Variants in FSD1L observed in about 807,000 individuals in gnomAD.
The protein encoded by FSD1L is FSD1-like protein.
Under a neutral mutation model 71.6 loss-of-function variants are expected in FSD1L, and 45 were observed. That is an observed-to-expected ratio of 0.63 (90% confidence interval 0.49 to 0.81). FSD1L has a LOEUF of 0.81. FSD1L is among the 30% of genes least tolerant of loss of function. The pLI is 0.00. For synonymous variants in FSD1L, 197 were observed against 207.2 expected, an observed-to-expected ratio of 0.95 and a Z score of 0.42; for missense variants, 561 against 618.1, an observed-to-expected ratio of 0.91 and a Z score of 0.98.
At chr9:105,451,021 G>A (rs1829962757) in intron 1 of FSD1L, among the ~76,000 whole-genome samples, 1 of 151,858 alleles carries the variant, frequency 6.6e-6, no homozygotes, top group Non-Finnish European at 1.5e-5. Flanking sequence ...GTGCAGTGGC[G>A]CGATCTTGGC....
chr9:105,464,227 T>G lies in FSD1L; in HGVS notation c.112-9T>G. The stretch of plus-strand genomic sequence containing the variant: ...AAATATAGTATTTTAATGCTTTTCT[T>G]AATTCTAGGAAGCTCTACAGAGGAT... On this transcript the variant is annotated splice_polypyrimidine_tract_variant and intron_variant, in intron 2 of 13. Coordinates refer to ENST00000481272, the MANE Select transcript of FSD1L (RefSeq NM_001145313.3). The G allele has an allele frequency of 7.1e-7, 1 of 1,404,030 alleles. No homozygotes were observed. The allele number at this position is 1,404,030 out of a possible 1,614,324, so 87.0% of individuals were successfully genotyped here. A position where few individuals can be genotyped will look rare whatever the true frequency, so the allele number is the denominator to read the frequency against.
intron 7 of FSD1L, among the ~76,000 whole-genome samples, chr9:105,484,838 T>C (rs1832432006): frequency 6.6e-6 from 1 of 152,098 alleles, no homozygotes; most frequent in Non-Finnish European, 1.5e-5. Context: ...ACAATTTACT[T>C]AACTTGCTTC....
intron 7 of FSD1L, among the ~76,000 whole-genome samples, chr9:105,494,743 T>G (rs4742947): frequency 0.68 from 103,278 of 151,968 alleles, 35,456 homozygotes; most frequent in African/African-American, 0.76. Context: ...CTGCAGGTCT[T>G]TTGAAGTTTG....
At chr9:105,468,908 A>G (rs1428647228) in intron 4 of FSD1L, among the ~76,000 whole-genome samples, 4 of 152,166 alleles carry the variant, frequency 2.6e-5, no homozygotes, top group Non-Finnish European at 5.9e-5. Flanking sequence ...GTGAAACTTT[A>G]TGTCCCTTGA....
chr9:105,524,938 T>C, intron 10 of FSD1L: 6 of 1,614,062 alleles, frequency 3.7e-6, no homozygotes, highest in Non-Finnish European at 5.1e-6. Flanking sequence ...TTCTTTGTGT[T>C]AATAATACAA....
chr9:105,534,502 A>C lies in FSD1L; in HGVS notation c.1035A>C (p.Thr345=). The C allele has an allele frequency of 6.5e-7, 1 of 1,540,882 alleles. No homozygotes were observed. The highest frequency in any genetic ancestry group is 8.8e-7 in the Non-Finnish European group (1 of 1,137,406). Residue 345 remains threonine, a synonymous_variant, in exon 11 of 14, where the codon ACA becomes ACC. Transcript: ENST00000481272. ...CTTTTTGTTTATATAGAAGTGGTAC[A>C]CCATCCCCAAAACGAACATCTGTAG... ...KGKENKGRSG[T]PSPKRTSVGS...
intron 3 of FSD1L, among the ~76,000 whole-genome samples, chr9:105,465,253 T>A (rs1347494353): frequency 6.6e-6 from 1 of 152,108 alleles, no homozygotes; most frequent in East Asian, 1.9e-4. Context: ...ATAAGGAAAT[T>A]GAATCCACAG....
At chr9:105,496,737 C>G (rs1206674673) in intron 7 of FSD1L, among the ~76,000 whole-genome samples, 1 of 152,244 alleles carries the variant, frequency 6.6e-6, no homozygotes, top group Non-Finnish European at 1.5e-5. Context: ...TATCCTGCAG[C>G]CTTGCTGCAA....
At chr9:105,450,988 G>T (rs1202921324) in intron 1 of FSD1L, among the ~76,000 whole-genome samples, 1 of 151,662 alleles carries the variant, frequency 6.6e-6, no homozygotes, top group African/African-American at 2.4e-5. Context: ...ACGAAGTCTC[G>T]CTCTGTGGCC....
chr9:105,515,063 A>G lies in FSD1L; in HGVS notation c.1025+2127A>G, dbSNP rs566022146. On this transcript the variant is annotated intron_variant, in intron 10 of 13. Transcript: ENST00000481272. ...TAGGGTAGGATTGCAGATACGGTAT[A>G]TGATCATGATGGGGAGAAGAGTGGA... is the stretch of plus-strand genomic sequence containing the variant. 2.6e-5 allele frequency among the ~76,000 whole-genome samples: 4 copies of G among 152,240 alleles called. No homozygotes were observed. In the South Asian group the frequency reaches 8.3e-4, roughly 32 times the overall value.
At chr9:105,477,919 G>T (rs748970245) in intron 5 of FSD1L, among the ~76,000 whole-genome samples, 4 of 152,156 alleles carry the variant, frequency 2.6e-5, no homozygotes, top group Non-Finnish European at 5.9e-5. Context: ...TAGTAATGCT[G>T]AGACTGTATA....
intron 9 of FSD1L, among the ~76,000 whole-genome samples, chr9:105,511,301 C>A (rs1187540001): frequency 6.6e-6 from 1 of 151,742 alleles, no homozygotes; most frequent in African/African-American, 2.4e-5. Flanking sequence ...AAAAAAACAG[C>A]CTTAGGATTT....
At chr9:105,513,365 C>T (rs181408772) in intron 10 of FSD1L, among the ~76,000 whole-genome samples, 4 of 152,222 alleles carry the variant, frequency 2.6e-5, no homozygotes, top group Non-Finnish European at 4.4e-5. Flanking sequence ...GAGGCAGGTT[C>T]AAGGACCTTT....
At chr9:105,511,727 C>T (rs1025172708) in intron 9 of FSD1L, among the ~76,000 whole-genome samples, 4 of 152,040 alleles carry the variant, frequency 2.6e-5, no homozygotes, top group Non-Finnish European at 5.9e-5. Flanking sequence ...TTAAAGTGCT[C>T]TTTACAGAAC....
upstream of FSD1L, among the ~76,000 whole-genome samples, chr9:105,443,115 TC>T (rs1368153752): frequency 6.6e-6 from 1 of 152,332 alleles, no homozygotes; most frequent in East Asian, 1.9e-4. Flanking sequence ...TTAGAGCTCT[TC>T]AAGTAGAGAG....
upstream of FSD1L, among the ~76,000 whole-genome samples, chr9:105,446,142 T>C (rs1046278664): frequency 6.6e-6 from 1 of 152,086 alleles, no homozygotes; most frequent in African/African-American, 2.4e-5. Flanking sequence ...GGGATCCATG[T>C]GGAGATGTAA....
At chr9:105,465,387 A>T (rs985898180) in intron 3 of FSD1L, among the ~76,000 whole-genome samples, 2 of 152,220 alleles carry the variant, frequency 1.3e-5, no homozygotes, top group Non-Finnish European at 2.9e-5. Flanking sequence ...AGGAGGGAGT[A>T]GTTCCAAATC....
chr9:105,445,585 C>T (rs2131540333), upstream of FSD1L, among the ~76,000 whole-genome samples: 2 of 152,232 alleles, frequency 1.3e-5, no homozygotes, highest in East Asian at 1.9e-4. Flanking sequence ...GGGACATCGC[C>T]AAGCCCTGTC....
rs1317210203 is a variant in FSD1L at position 105,456,099 on chromosome 9, A to C, written c.16-5421A>C. Among the ~76,000 whole-genome samples the C allele has an allele frequency of 2.6e-5, 4 of 152,358 alleles. No individual in the cohort carries two copies. In the East Asian group the frequency reaches 7.7e-4, roughly 29 times the overall value. ...GTTCCAGGTTTCCAGATTGTTGATC[A>C]GTTCCAGATTTCTAATCTTGAAGTA... On this transcript the variant is annotated intron_variant, in intron 1 of 13. Transcript: ENST00000481272.
Sources: gnomAD v4.1 joint callset for allele counts (sites outside exome capture counted in the v4.1 genomes callset) on GRCh38, gnomAD v4.1.1 for gene constraint, MANE v1.5 for transcripts, NCBI Gene and HGNC (gene_info 2026-07-23, HGNC 2026-07-21) for gene names.